The following SKAP1 variants were observed in gnomAD, a reference collection of about 807,000 sequenced individuals.
SKAP1 encodes src kinase associated phosphoprotein 1.
SKAP1 carries 44 observed loss-of-function variants against 58.5 expected under a neutral mutation model. The ratio of observed to expected loss-of-function variants is 0.75; its 90% CI spans 0.59 to 0.97. The LOEUF (loss-of-function observed/expected upper bound fraction) is 0.97, where lower values mean the gene tolerates loss of function less well. Among genes scored for constraint, SKAP1 ranks in the 50% least tolerant of loss-of-function variants. The pLI is 0.00. For synonymous variants in SKAP1, 127 were observed against 149.7 expected (o/e 0.85, Z 1.11); for missense variants, 390 against 435.2 (o/e 0.90, Z 0.92).
At chr17:48,178,493 C>T (rs117774438) in intron 9 of SKAP1, among the ~76,000 whole-genome samples, 59 of 152,282 alleles carry the variant, frequency 3.9e-4, no homozygotes, top group Non-Finnish European at 6.9e-4. Flanking sequence ...TCCATTTCTG[C>T]ACCCTGCTGT....
At position 48,180,108 on chromosome 17, in the gene SKAP1, T is replaced by C; in HGVS notation, c.772A>G (p.Ile258Val). 1 of 1,612,700 alleles carries C rather than the reference T, an allele frequency of 6.2e-7. No individual in the cohort carries two copies. Among genetic ancestry groups the C allele is most frequent in the Non-Finnish European group, 8.5e-7 (1 of 1,179,594 alleles). ...TCTTTCTCCTCTGTAGGCTCTTTTA[T>C]CCCCACACTCCCAGGCAAGATAGTG... ...RPTILPGSVG[I>V]KEPTEEKEEE... The change falls in exon 9 of 13, where the codon ATA becomes GTA. Residue 258 changes from isoleucine (I) to valine (V), a missense_variant. By Grantham distance (29) the Ile-to-Val change is conservative. Coordinates refer to ENST00000336915, the MANE Select transcript of SKAP1 (RefSeq NM_003726.4).
At chr17:48,152,818 G>A (rs2063918040) in intron 11 of SKAP1, among the ~76,000 whole-genome samples, 1 of 152,318 alleles carries the variant, frequency 6.6e-6, no homozygotes, top group South Asian at 2.1e-4. Context: ...GTCAAAAGAC[G>A]AAGACGTTAA....
Position 48,430,131 on chromosome 17 carries a change from G to A in SKAP1, c.-11C>T, listed in dbSNP as rs2144635055. The A allele has an allele frequency of 3.2e-6, 4 of 1,260,706 alleles. No individual in the cohort carries two copies. The highest frequency in any genetic ancestry group is 4.0e-6 in the Non-Finnish European group (4 of 995,548). The allele number at this position is 1,260,706 out of a possible 1,614,324, so 78.1% of individuals were successfully genotyped here. A position where few individuals can be genotyped will look rare whatever the true frequency, so the allele number is the denominator to read the frequency against. On this transcript the variant is annotated 5_prime_UTR_variant, in exon 1 of 13. Transcript: ENST00000336915. ...GGCGGCGGCCTGCATTTGGCTGGGC[G>A]GGAGAGAGGCGGGACGGGGCGCGGG...
At chr17:48,380,001 A>T (rs2067195995) in intron 2 of SKAP1, among the ~76,000 whole-genome samples, 3 of 152,022 alleles carry the variant, frequency 2.0e-5, no homozygotes, top group African/African-American at 7.2e-5. Context: ...ATTCTTACCC[A>T]TTTACTACTT....
At chr17:48,359,601 G>A (rs1598611113) in intron 3 of SKAP1, among the ~76,000 whole-genome samples, 1 of 151,856 alleles carries the variant, frequency 6.6e-6, no homozygotes, top group Non-Finnish European at 1.5e-5. Flanking sequence ...ATTTTTATTT[G>A]TTTATTTCTT....
intron 4 of SKAP1, among the ~76,000 whole-genome samples, chr17:48,198,816 C>T (rs67647500): frequency 0.038 from 5,771 of 152,208 alleles, 127 homozygotes; most frequent in South Asian, 0.054. Context: ...AATATAGAAC[C>T]GCAAAAGACC....
At chr17:48,390,400 T>C (rs916983269) in intron 2 of SKAP1, among the ~76,000 whole-genome samples, 4 of 152,260 alleles carry the variant, frequency 2.6e-5, no homozygotes, top group Admixed American at 1.3e-4. Flanking sequence ...AGTAATTTCA[T>C]ACAGATGATC....
At chr17:48,225,758 G>A (rs2065061161) in intron 4 of SKAP1, among the ~76,000 whole-genome samples, 2 of 152,128 alleles carry the variant, frequency 1.3e-5, no homozygotes, top group Non-Finnish European at 2.9e-5. Flanking sequence ...AAACCAGCAG[G>A]TCCCTTAAAT....
In SKAP1 at chr17:48,396,704, C is replaced by G. The variant is rs112999194; in HGVS notation, c.128G>C (p.Arg43Pro). Residue 43 changes from arginine (R) to proline (P), a missense_variant, in exon 2 of 13, where the codon CGG becomes CCG. Arg to Pro is a moderately radical substitution (Grantham distance 103, BLOSUM62 -2). Coordinates refer to ENST00000336915, the MANE Select transcript of SKAP1 (RefSeq NM_003726.4). The stretch of plus-strand genomic sequence containing the variant: ...CCTGGCTTTGATTTGCTGAAAGCCC[C>G]GTAGAATATGGTCTCTGTGATCCCT... ...VARDHRDHIL[R>P]GFQQIKARYY... 3 of 1,612,116 alleles carry G rather than the reference C, an allele frequency of 1.9e-6. No homozygotes were observed. The highest frequency in any genetic ancestry group is 2.7e-5 in the African/African-American group (2 of 74,818).
At chr17:48,394,783 G>A (rs2067394957) in intron 2 of SKAP1, among the ~76,000 whole-genome samples, 1 of 152,202 alleles carries the variant, frequency 6.6e-6, no homozygotes, top group Non-Finnish European at 1.5e-5. Context: ...GGCTGAAGAA[G>A]AGGATTCAGG....
chr17:48,259,207 CT>C (rs2065458861), intron 4 of SKAP1, among the ~76,000 whole-genome samples: 1 of 152,026 alleles, frequency 6.6e-6, no homozygotes, highest in Non-Finnish European at 1.5e-5. Context: ...AATCTTTAAG[CT>C]TTCAAGCAGA....
At chr17:48,350,340 G>A (rs1356012480) in intron 3 of SKAP1, among the ~76,000 whole-genome samples, 1 of 151,958 alleles carries the variant, frequency 6.6e-6, no homozygotes, top group Non-Finnish European at 1.5e-5. Context: ...AATTAATTGT[G>A]AGCTATATTA....
intron 12 of SKAP1, chr17:48,136,336 T>A (rs2063698083): frequency 6.6e-6 from 1 of 152,152 alleles, no homozygotes; most frequent in South Asian, 2.1e-4. Flanking sequence ...CATGCCTGGC[T>A]AATTTTTTGT....
intron 4 of SKAP1, among the ~76,000 whole-genome samples, chr17:48,275,131 G>C (rs1466934225): frequency 6.6e-6 from 1 of 152,142 alleles, no homozygotes; most frequent in East Asian, 1.9e-4. Flanking sequence ...AAAGCAATCT[G>C]TACTGATGCT....
At chr17:48,284,778 A>T (rs1230374681) in intron 4 of SKAP1, among the ~76,000 whole-genome samples, 1 of 152,206 alleles carries the variant, frequency 6.6e-6, no homozygotes, top group Non-Finnish European at 1.5e-5. Context: ...CAAGTCTGGG[A>T]GGACCTGCCT....
chr17:48,182,774 C>T (rs998121330), intron 7 of SKAP1, among the ~76,000 whole-genome samples: 2 of 152,162 alleles, frequency 1.3e-5, no homozygotes, highest in African/African-American at 4.8e-5. Flanking sequence ...AGCAAACCAA[C>T]CCACACACAT....
At chr17:48,204,085 CTT>C (rs56871952) in intron 4 of SKAP1, 47 of 139,772 alleles carry the variant, frequency 3.4e-4, no homozygotes, top group Non-Finnish European at 3.6e-4. Context: ...AGATTTTTTT[CTT>C]TTTTTTTTTT....
intron 11 of SKAP1, among the ~76,000 whole-genome samples, chr17:48,139,848 C>T (rs191727133): frequency 8.7e-4 from 133 of 152,238 alleles, no homozygotes; most frequent in African/African-American, 3.1e-3. Context: ...TCTTTCTTTC[C>T]CATTAAAGTC....
At chr17:48,411,337 T>C (rs991963739) in intron 1 of SKAP1, among the ~76,000 whole-genome samples, 1 of 152,094 alleles carries the variant, frequency 6.6e-6, no homozygotes, top group African/African-American at 2.4e-5. Context: ...AGGCAGAGGT[T>C]GCAGTGAGCC....
Sources: gnomAD v4.1 joint callset for allele counts (sites outside exome capture counted in the v4.1 genomes callset) on GRCh38, gnomAD v4.1.1 for gene constraint, MANE v1.5 for transcripts, NCBI Gene and HGNC (gene_info 2026-07-23, HGNC 2026-07-21) for gene names.